MRPS23: variants seen among roughly 807,000 people sequenced by gnomAD.
MRPS23 encodes the protein small ribosomal subunit protein mS23.
In MRPS23, 14 loss-of-function variants were observed where a neutral mutation model predicts 19.8. The ratio of observed to expected loss-of-function variants is 0.71; its 90% confidence interval spans 0.47 to 1.11. The LOEUF (loss-of-function observed/expected upper bound fraction) is 1.11, where lower values mean the gene tolerates loss of function less well. Among genes scored for constraint, MRPS23 ranks in the 50% least tolerant of loss-of-function variants. MRPS23 has a pLI of 0.00. For missense variants in MRPS23, 242 were observed against 236.7 expected (o/e 1.02, Z -0.15); for synonymous variants, 113 against 89.7 (o/e 1.26, Z -1.47).
At chr17:57,840,021 G>A in intron 4 of MRPS23, 86 bp from the exon 5 acceptor site, 1 of 1,474,564 alleles carries the variant, frequency 6.8e-7, no homozygotes, top group East Asian at 2.3e-5. Flanking sequence ...GGCACATTCT[G>A]TCACTGAGTG....
At chr17:57,845,905 C>G (rs1466727179) in intron 2 of MRPS23, among the ~76,000 whole-genome samples, 1 of 152,164 alleles carries the variant, frequency 6.6e-6, no homozygotes, top group Non-Finnish European at 1.5e-5. Context: ...TTTGACAATG[C>G]CTGGCCCATG....
chr17:57,844,101 A>T (rs2073757243), intron 2 of MRPS23, among the ~76,000 whole-genome samples: 1 of 146,394 alleles, frequency 6.8e-6, no homozygotes, highest in South Asian at 2.2e-4. Flanking sequence ...TGTTTGTTTT[A>T]TTTATTTTGT....
intron 2 of MRPS23, among the ~76,000 whole-genome samples, chr17:57,842,890 ATAC>A: frequency 2.1e-5 from 2 of 93,252 alleles, no homozygotes; most frequent in African/African-American, 9.0e-5. Flanking sequence ...ATATATATAT[ATAC>A]ACACACACAC....
chr17:57,847,497 C>A (rs1406288904), intron 2 of MRPS23, among the ~76,000 whole-genome samples: 1 of 151,422 alleles, frequency 6.6e-6, no homozygotes, highest in Non-Finnish European at 1.5e-5. Context: ...CCTGTCTCTA[C>A]TAAAAATACA....
Position 57,849,223 on chromosome 17 carries a change from C to A in MRPS23, c.215+17G>T. 1 of 1,613,442 alleles carries A rather than the reference C, an allele frequency of 6.2e-7. No homozygotes were observed. The highest frequency in any genetic ancestry group is 8.5e-7 in the Non-Finnish European group (1 of 1,179,582). On this transcript the variant is annotated intron_variant, in intron 2 of 4. Transcript: ENST00000313608. The stretch of plus-strand genomic sequence containing the variant: ...AAGTTCTGTTGCCTCCTGTCCACTA[C>A]AGGGCTGAGCACTCACGCTCTAATC...
rs2073700702 is a variant in MRPS23, at chr17:57,835,824, C to T, written c.*3959G>A. ...ATCTTCATTACTTGTCTGGGGCAAA[C>T]TTCACTGTAACCTGGATATATGCCT... On this transcript the variant is annotated 3_prime_UTR_variant, in exon 5 of 5. Transcript: ENST00000313608. The T allele has an allele frequency of 6.6e-6, 1 of 152,158 alleles. No homozygotes were observed. The allele number at this position is 152,158 out of a possible 1,614,324, so 9.4% of individuals were successfully genotyped here.
At chr17:57,844,604 CAAA>C (rs35491122) in intron 2 of MRPS23, among the ~76,000 whole-genome samples, 5 of 122,266 alleles carry the variant, frequency 4.1e-5, no homozygotes, top group African/African-American at 6.1e-5. Flanking sequence ...CCTGAAAATA[CAAA>C]AAAAAAAAAA....
In MRPS23 at chr17:57,835,994, G is replaced by C. The variant is rs577318871; in HGVS notation, c.*3789C>G. On this transcript the variant is annotated 3_prime_UTR_variant, in exon 5 of 5. Transcript: ENST00000313608. The stretch of plus-strand genomic sequence containing the variant: ...TTTGAGACAGTGTCTCTCTTCTGTC[G>C]CCCAGGCTGGGGTGCTGTAGCATGA... 7.2e-6 allele frequency: 1 copy of C among 139,146 alleles called. No homozygotes were observed. The highest frequency in any genetic ancestry group is 1.5e-5 in the Non-Finnish European group (1 of 66,070). The allele number at this position is 139,146 out of a possible 1,614,324, so 8.6% of individuals were successfully genotyped here.
At position 57,849,988 on chromosome 17, in the gene MRPS23, G is replaced by A. The variant is rs1285615194; in HGVS notation, c.23C>T (p.Thr8Ile). The change falls in exon 1 of 5, where the codon ACC (threonine) becomes ATC (isoleucine). Residue 8 changes from threonine (T) to isoleucine (I), a missense_variant. By Grantham distance (89) the Thr-to-Ile change is moderately conservative (BLOSUM62 -1). Coordinates refer to ENST00000313608, the MANE Select transcript of MRPS23 (RefSeq NM_016070.4). The stretch of plus-strand genomic sequence containing the variant: ...ACACCGAGAGAAGATGCTCCCTACG[G>A]TTTCCAGCCGGCTGCCTGCCATGAT... Reference protein sequence around the residue: MAGSRLETVGSIFSRTRD... With the variant: MAGSRLEIVGSIFSRTRD... The A allele has an allele frequency of 6.3e-7, 1 of 1,591,012 alleles. No individual in the cohort carries two copies. Among genetic ancestry groups the A allele is most frequent in the East Asian group, 2.3e-5 (1 of 43,566 alleles).
At chr17:57,842,146 G>C (rs1272310438) in intron 2 of MRPS23, among the ~76,000 whole-genome samples, 3 of 152,048 alleles carry the variant, frequency 2.0e-5, no homozygotes, top group Non-Finnish European at 2.9e-5. Flanking sequence ...TGAGTAGCTG[G>C]AACTACAGGT....
intron 2 of MRPS23, among the ~76,000 whole-genome samples, chr17:57,846,366 C>A (rs1386758559): frequency 2.0e-5 from 3 of 152,056 alleles, no homozygotes; most frequent in African/African-American, 7.2e-5. Flanking sequence ...GCCGCCCCGT[C>A]TGGGAAGTGA....
intron 2 of MRPS23, 129 bp from the exon 3 acceptor site, chr17:57,841,389 TG>T: frequency 1.1e-6 from 1 of 889,862 alleles, no homozygotes; most frequent in Non-Finnish European, 1.7e-6. Context: ...TAGCCTAAGC[TG>T]AACAGTTTTG....
chr17:57,842,493 T>A (rs2073745337), intron 2 of MRPS23, among the ~76,000 whole-genome samples: 2 of 152,212 alleles, frequency 1.3e-5, no homozygotes, highest in African/African-American at 4.8e-5. Flanking sequence ...CCATGGAGAT[T>A]GTTTCCAGTC....
intron 2 of MRPS23, among the ~76,000 whole-genome samples, chr17:57,846,252 G>T (rs1207024209): frequency 2.1e-5 from 3 of 141,016 alleles, no homozygotes; most frequent in African/African-American, 9.0e-5. Context: ...GGAGGGAGGT[G>T]GGGGGTAGCC....
chr17:57,839,658 A>G lies in MRPS23; in HGVS notation c.*125T>C. On this transcript the variant is annotated 3_prime_UTR_variant, in exon 5 of 5. Coordinates refer to ENST00000313608, the MANE Select transcript of MRPS23 (RefSeq NM_016070.4). The stretch of plus-strand genomic sequence containing the variant: ...GCTTTGTGACAACCCAGAAATAACT[A>G]AGAGAAGGCAAACATAATACCTTAG... The G allele has an allele frequency of 8.1e-7, 1 of 1,233,918 alleles. No individual in the cohort carries two copies. The highest frequency in any genetic ancestry group is 2.0e-5 in the South Asian group (1 of 49,608). 76.4% of individuals were successfully genotyped at this position (1,233,918 alleles called of 1,614,324 possible).
intron 4 of MRPS23, 87 bp from the exon 5 acceptor site, chr17:57,840,022 T>G: frequency 6.8e-7 from 1 of 1,479,298 alleles, no homozygotes; most frequent in Non-Finnish European, 9.3e-7. Context: ...GCACATTCTG[T>G]CACTGAGTGA....
Position 57,849,266 on chromosome 17 carries a change from G to A in MRPS23, c.189C>T (p.Ile63=). 2 of 1,614,230 alleles carry A rather than the reference G, an allele frequency of 1.2e-6. No individual in the cohort carries two copies. The highest frequency in any genetic ancestry group is 1.7e-6 in the Non-Finnish European group (2 of 1,180,038). The change falls in exon 2 of 5, where the codon ATC becomes ATT. Residue 63 remains isoleucine (I), a synonymous_variant. Transcript: ENST00000313608. Reference sequence around the variant, plus strand: ...CTCTAATCCGATCCTCGTGGTACCAGATGTCTTGGATGGGAGCTTTGGCTT... The same window carrying A: ...CTCTAATCCGATCCTCGTGGTACCAAATGTCTTGGATGGGAGCTTTGGCTT... The part of the protein sequence containing the change: ...YGKAKAPIQD[I]WYHEDRIRAK...
intron 2 of MRPS23, 70 bp from the exon 3 acceptor site, chr17:57,841,330 T>TA: frequency 6.7e-7 from 1 of 1,503,396 alleles, no homozygotes; most frequent in Non-Finnish European, 9.2e-7. Context: ...ATAAAAGAAA[T>TA]AAAGAATAAG....
At chr17:57,840,709 A>G (rs1015503425) in intron 4 of MRPS23, 1 of 407,176 alleles carries the variant, frequency 2.5e-6, no homozygotes, top group Non-Finnish European at 4.3e-6. Flanking sequence ...AACTACTTAC[A>G]TAGCATTTAC....
Sources: allele counts gnomAD v4.1 joint callset (sites outside exome capture counted in the v4.1 genomes callset), GRCh38; gene constraint gnomAD v4.1.1; transcripts MANE v1.5; gene names NCBI Gene and HGNC (gene_info 2026-07-23, HGNC 2026-07-21).